The following ATP13A4 variants were observed in gnomAD, a reference collection of about 807,000 sequenced individuals.
The protein encoded by ATP13A4 is ATPase 13A4, also known as probable cation-transporting ATPase 13A4.
A neutral mutation model predicts 142.5 loss-of-function variants in ATP13A4; 114 were observed. That is an observed-to-expected ratio of 0.80 (90% CI 0.69 to 0.93). ATP13A4 has a LOEUF of 0.93. Ranked by LOEUF, ATP13A4 falls within the 40% of genes least tolerant of loss-of-function variation. ATP13A4 has a pLI of 0.00. For missense variants in ATP13A4, 1,392 were observed against 1,454.0 expected, an observed-to-expected ratio of 0.96 and a Z score of 0.69; for synonymous variants, 488 against 514.8, an observed-to-expected ratio of 0.95 and a Z score of 0.70.
chr3:193,498,740 G>A (rs762646900), intron 3 of ATP13A4, among the ~76,000 whole-genome samples: 11 of 152,246 alleles, frequency 7.2e-5, no homozygotes, highest in South Asian at 2.1e-4. Flanking sequence ...ATTCCTATTT[G>A]AGAACTTCAA....
Position 193,583,972 on chromosome 3 carries a change from T to A in ATP13A4, n.92-2066A>T, listed in dbSNP as rs189347861. 4.0e-3 allele frequency among the ~76,000 whole-genome samples: 610 copies of A among 152,312 alleles called. 3 individuals are homozygous for A. Among genetic ancestry groups the A allele is most frequent in the Admixed American group, 4.1e-3 (63 of 15,300 alleles). On this transcript the variant is annotated intron_variant and non_coding_transcript_variant, in intron 1 of 3. Transcript: ENST00000489140. Reference sequence around the variant, plus strand: ...AACTACAGCTAGTTTCAGGTGTGGCTGGATAAACTGATTCTTTCCTCCCCT... The same window carrying A: ...AACTACAGCTAGTTTCAGGTGTGGCAGGATAAACTGATTCTTTCCTCCCCT...
chr3:193,467,704 T>C (rs1311946951), intron 9 of ATP13A4, among the ~76,000 whole-genome samples: 2 of 152,168 alleles, frequency 1.3e-5, no homozygotes, highest in African/African-American at 4.8e-5. Flanking sequence ...ATAAGTATAA[T>C]ACAGTATTAT....
At chr3:193,447,473 A>G (rs1402901901) in intron 18 of ATP13A4, among the ~76,000 whole-genome samples, 1 of 152,224 alleles carries the variant, frequency 6.6e-6, no homozygotes, top group Non-Finnish European at 1.5e-5. Flanking sequence ...TCTTCGTGAC[A>G]TAAATGATAG....
chr3:193,443,128 G>A (rs906901826), intron 18 of ATP13A4, among the ~76,000 whole-genome samples: 27 of 152,136 alleles, frequency 1.8e-4, no homozygotes, highest in Admixed American at 1.3e-4. Flanking sequence ...CAGTTAAAAA[G>A]CTGTTTGGGC....
chr3:193,489,178 G>C (rs1318666753), intron 7 of ATP13A4, among the ~76,000 whole-genome samples: 1 of 152,172 alleles, frequency 6.6e-6, no homozygotes, highest in Non-Finnish European at 1.5e-5. Context: ...ACCTTGATTA[G>C]AGATGAACAG....
chr3:193,478,990 C>T (rs1719132544), intron 8 of ATP13A4, among the ~76,000 whole-genome samples: 1 of 152,002 alleles, frequency 6.6e-6, no homozygotes, highest in Non-Finnish European at 1.5e-5. Context: ...ATGTGATACA[C>T]CACATAAAGA....
chr3:193,442,173 T>G (rs1305819689), intron 19 of ATP13A4, among the ~76,000 whole-genome samples: 1 of 152,174 alleles, frequency 6.6e-6, no homozygotes, highest in Non-Finnish European at 1.5e-5. Flanking sequence ...GGACAACCAC[T>G]TTTTTAAGGT....
chr3:193,414,448 T>C, intron 26 of ATP13A4, 131 bp downstream of exon 26: 1 of 892,086 alleles, frequency 1.1e-6, no homozygotes, highest in Admixed American at 2.1e-5. Flanking sequence ...TCACTGAAAA[T>C]TTGCCCAAGG....
intron 25 of ATP13A4, among the ~76,000 whole-genome samples, chr3:193,420,120 A>C (rs1715332748): frequency 6.7e-6 from 1 of 149,966 alleles, no homozygotes; most frequent in Non-Finnish European, 1.5e-5. Flanking sequence ...CTAGGAGCCT[A>C]GCTTCACAGC....
rs533616759 is a variant in ATP13A4, at chr3:193,449,797, G to A, written c.2028-1467C>T. Among the ~76,000 whole-genome samples the A allele has an allele frequency of 3.3e-5, 5 of 152,116 alleles. No homozygotes were observed. The South Asian group carries it at 8.3e-4, about 25-fold the overall frequency. ...CCCAATGTTCTGAGCCTTATACCAC[G>A]TCCCCCACAAAGGCTCCCTCAGATA... is the stretch of plus-strand genomic sequence containing the variant. On this transcript the variant is annotated intron_variant, in intron 17 of 29. Transcript: ENST00000342695.
chr3:193,502,525 T>G lies in ATP13A4; in HGVS notation c.349A>C (p.Ile117Leu), dbSNP rs766916423. The change falls in exon 3 of 30, where the codon ATA (isoleucine) becomes CTA (leucine). Residue 117 changes from isoleucine to leucine, a missense_variant. By Grantham distance (5) the Ile-to-Leu change is conservative. Transcript: ENST00000342695. ...HPLMTDEEYI[I>L]NRAIRKPDLK... ...TCTGGCTTTCTTATGGCTCTATTTA[T>G]GATATACTCCTCATCTGTCATGAGA... The G allele has an allele frequency of 1.2e-6, 2 of 1,614,080 alleles. No homozygotes were observed. Among genetic ancestry groups the G allele is most frequent in the Non-Finnish European group, 1.7e-6 (2 of 1,179,946 alleles).
At chr3:193,517,469 CAACT>C (rs1255329990) in intron 1 of ATP13A4, among the ~76,000 whole-genome samples, 3 of 152,078 alleles carry the variant, frequency 2.0e-5, no homozygotes, top group Admixed American at 6.5e-5. Context: ...GCACTACAAC[CAACT>C]GTTTTGTTTT....
In ATP13A4 at chr3:193,517,014, CAT is replaced by C. The variant is rs568447847; in HGVS notation, c.61-2145_61-2144del. Reference sequence around the variant, plus strand: ...GCACTTAATAGCCTTTCACTAAGCACATGATACATATTCTCCCATTTAGTTGA... The same window carrying C: ...GCACTTAATAGCCTTTCACTAAGCACGATACATATTCTCCCATTTAGTTGA... On this transcript the variant is annotated intron_variant, in intron 1 of 29. Coordinates refer to ENST00000342695, the MANE Select transcript of ATP13A4 (RefSeq NM_032279.4). Among the ~76,000 whole-genome samples, 465 of 152,290 alleles carry C rather than the reference CAT, an allele frequency of 3.1e-3. 2 individuals carry two copies. The highest frequency in any genetic ancestry group is 0.011 in the South Asian group (54 of 4,824).
At chr3:193,443,029 A>T (rs1716740090) in intron 18 of ATP13A4, among the ~76,000 whole-genome samples, 1 of 152,156 alleles carries the variant, frequency 6.6e-6, no homozygotes, top group Non-Finnish European at 1.5e-5. Flanking sequence ...GGTGGGAGGG[A>T]GTCAAATTTG....
At chr3:193,469,805 G>A (rs938961751) in intron 9 of ATP13A4, among the ~76,000 whole-genome samples, 2 of 152,164 alleles carry the variant, frequency 1.3e-5, no homozygotes, top group Admixed American at 1.3e-4. Flanking sequence ...AAAGTCTTTT[G>A]ATGGTCTCTG....
Position 193,402,512 on chromosome 3 carries a change from A to G in ATP13A4, c.*140T>C. 1.5e-6 allele frequency: 1 copy of G among 650,752 alleles called. No homozygotes were observed. The highest frequency in any genetic ancestry group is 2.8e-6 in the Non-Finnish European group (1 of 362,212). 40.3% of individuals were successfully genotyped at this position (650,752 alleles called of 1,614,324 possible). A position where few individuals can be genotyped will look rare whatever the true frequency, so the allele number is the denominator to read the frequency against. On this transcript the variant is annotated 3_prime_UTR_variant, in exon 30 of 30. Coordinates refer to ENST00000342695, the MANE Select transcript of ATP13A4 (RefSeq NM_032279.4). Reference sequence around the variant, plus strand: ...CTGTAGACAGTATTTTATCAAACAGACTTTAGTTTGTCACCATGATTTGAT... The same window carrying G: ...CTGTAGACAGTATTTTATCAAACAGGCTTTAGTTTGTCACCATGATTTGAT...
intron 1 of ATP13A4, among the ~76,000 whole-genome samples, chr3:193,543,872 T>C (rs1345439453): frequency 6.6e-6 from 1 of 152,232 alleles, no homozygotes; most frequent in African/African-American, 2.4e-5. Context: ...AGAAATGAGC[T>C]AAAATTTTAA....
chr3:193,506,332 G>A (rs994813101), intron 2 of ATP13A4, among the ~76,000 whole-genome samples: 1 of 152,128 alleles, frequency 6.6e-6, no homozygotes. Context: ...TTACACCTCA[G>A]GTCTCATTGA....
At chr3:193,508,559 C>T (rs1269508873) in intron 2 of ATP13A4, among the ~76,000 whole-genome samples, 3 of 152,144 alleles carry the variant, frequency 2.0e-5, no homozygotes, top group Admixed American at 6.5e-5. Flanking sequence ...ATTGTTAAAT[C>T]GTAATATAAA....
Sources: gnomAD v4.1 joint callset for allele counts (sites outside exome capture counted in the v4.1 genomes callset) on GRCh38, gnomAD v4.1.1 for gene constraint, MANE v1.5 for transcripts, NCBI Gene and HGNC (gene_info 2026-07-23, HGNC 2026-07-21) for gene names.